ARHGAP21: variants seen among roughly 807,000 people sequenced by gnomAD.
ARHGAP21 encodes Rho GTPase activating protein 21, also known as rho GTPase-activating protein 21.
A neutral mutation model predicts 164.6 loss-of-function variants in ARHGAP21; 38 were observed. That is an observed-to-expected ratio of 0.23 (90% confidence interval 0.18 to 0.30). ARHGAP21 has a LOEUF of 0.30. Among genes scored for constraint, ARHGAP21 ranks in the 10% least tolerant of loss-of-function variants. ARHGAP21 has a pLI of 1.00. For synonymous variants in ARHGAP21, 766 were observed against 857.9 expected, an observed-to-expected ratio of 0.89 and a Z score of 1.87; for missense variants, 1,822 against 2,370.7, an observed-to-expected ratio of 0.77 and a Z score of 4.81.
intron 24 of ARHGAP21, chr10:24,590,791 T>G: frequency 7.1e-6 from 7 of 985,388 alleles, no homozygotes; most frequent in Non-Finnish European, 8.4e-6. Flanking sequence ...TCAACAGATT[T>G]AACTTGCTGC....
intron 3 of ARHGAP21, among the ~76,000 whole-genome samples, chr10:24,668,797 T>C (rs891556430): frequency 6.6e-6 from 1 of 152,284 alleles, no homozygotes; most frequent in East Asian, 1.9e-4. Flanking sequence ...TACTAAAATT[T>C]CTAGAAATAT....
At chr10:24,591,453 G>A in intron 23 of ARHGAP21, 123 bp from the exon 24 acceptor site, 1 of 1,099,990 alleles carries the variant, frequency 9.1e-7, no homozygotes, top group Admixed American at 2.1e-5. Context: ...TGTTTACATT[G>A]TTTACGCATA....
At chr10:24,616,870 G>C (rs1478211560) in intron 9 of ARHGAP21, among the ~76,000 whole-genome samples, 1 of 152,154 alleles carries the variant, frequency 6.6e-6, no homozygotes, top group Non-Finnish European at 1.5e-5. Flanking sequence ...GCTTTATAAA[G>C]TGGGGGGTGG....
chr10:24,721,150 C>A (rs2132353296), intron 2 of ARHGAP21, among the ~76,000 whole-genome samples: 1 of 152,184 alleles, frequency 6.6e-6, no homozygotes, highest in East Asian at 1.9e-4. Flanking sequence ...GCTACCCTAA[C>A]CAGCAACGCA....
intron 4 of ARHGAP21, among the ~76,000 whole-genome samples, chr10:24,636,897 T>G (rs1166766494): frequency 6.6e-6 from 1 of 152,350 alleles, no homozygotes; most frequent in South Asian, 2.1e-4. Flanking sequence ...TTTATTTGCT[T>G]ACATGTTTGT....
At chr10:24,587,190 C>T (rs1171027739) in intron 25 of ARHGAP21, among the ~76,000 whole-genome samples, 1 of 152,046 alleles carries the variant, frequency 6.6e-6, no homozygotes, top group Non-Finnish European at 1.5e-5. Flanking sequence ...CACCATGTTG[C>T]CCAGGCTGGT....
At chr10:24,612,642 C>T (rs1233988619) in intron 9 of ARHGAP21, among the ~76,000 whole-genome samples, 1 of 152,082 alleles carries the variant, frequency 6.6e-6, no homozygotes, top group African/African-American at 2.4e-5. Context: ...ATCACGAGGT[C>T]AGGAGATCAA....
chr10:24,604,397 C>A (rs776769324), intron 11 of ARHGAP21, 49 bp from the exon 12 acceptor site: 2 of 1,289,718 alleles, frequency 1.6e-6, no homozygotes, highest in Non-Finnish European at 1.1e-6. Context: ...CAAAAAAAAT[C>A]TTAAAGATGT....
intron 4 of ARHGAP21, among the ~76,000 whole-genome samples, chr10:24,659,178 A>G (rs1309876945): frequency 1.3e-5 from 2 of 152,214 alleles, no homozygotes; most frequent in Admixed American, 6.5e-5. Flanking sequence ...TAGCAACTCT[A>G]TTCCTAGGTA....
At chr10:24,654,235 C>T (rs573465331) in intron 4 of ARHGAP21, among the ~76,000 whole-genome samples, 2 of 152,316 alleles carry the variant, frequency 1.3e-5, no homozygotes, top group African/African-American at 2.4e-5. Flanking sequence ...GATGCCCTCT[C>T]TCACCACTCC....
chr10:24,651,268 G>T (rs1838133823), intron 4 of ARHGAP21, among the ~76,000 whole-genome samples: 1 of 152,178 alleles, frequency 6.6e-6, no homozygotes, highest in Non-Finnish European at 1.5e-5. Context: ...GTGTTTGCCT[G>T]GGGACTCTTC....
intron 9 of ARHGAP21, among the ~76,000 whole-genome samples, chr10:24,617,621 C>T (rs927295565): frequency 1.3e-5 from 2 of 151,696 alleles, no homozygotes; most frequent in East Asian, 3.9e-4. Context: ...TAAAAAAAAA[C>T]ATAAGCTGTG....
At position 24,622,740 on chromosome 10, in the gene ARHGAP21, G is replaced by A. The variant is rs753001884; in HGVS notation, c.518C>T (p.Thr173Ile). ...LQVLQFTKDV[T>I]ALAYSQDAYL... The stretch of plus-strand genomic sequence containing the variant: ...CTACTGTGCATTTCTTACCAGTGCT[G>A]TGACATCCTTTGTAAACTGTAGCTA... Residue 173 changes from threonine to isoleucine, a missense_variant, in exon 8 of 26, where the codon ACA becomes ATA. This residue lies in a region of ARHGAP21 where 1,090 missense variants were observed against 1,378.9 expected (regional missense o/e 0.79). Transcript: ENST00000396432. 10 of 1,611,416 alleles carry A rather than the reference G, an allele frequency of 6.2e-6. No individual in the cohort carries two copies. Among genetic ancestry groups the A allele is most frequent in the Admixed American group, 5.1e-5 (3 of 59,378 alleles).
intron 21 of ARHGAP21, among the ~76,000 whole-genome samples, chr10:24,594,163 A>G (rs921977024): frequency 7.9e-5 from 12 of 152,214 alleles, no homozygotes; most frequent in Admixed American, 5.9e-4. Flanking sequence ...CTGCTTCAGT[A>G]CTTTAAGAAG....
chr10:24,687,000 A>G (rs993417807), intron 2 of ARHGAP21, among the ~76,000 whole-genome samples: 1 of 152,140 alleles, frequency 6.6e-6, no homozygotes, highest in Non-Finnish European at 1.5e-5. Context: ...CTTCCAGGAG[A>G]GCAAGGGCAA....
intron 2 of ARHGAP21, among the ~76,000 whole-genome samples, chr10:24,693,632 C>T (rs1239730578): frequency 2.0e-5 from 3 of 152,082 alleles, no homozygotes; most frequent in Non-Finnish European, 2.9e-5. Context: ...GGATTACAGG[C>T]GTGAGACACT....
chr10:24,701,357 T>C (rs1053593902), intron 2 of ARHGAP21, among the ~76,000 whole-genome samples: 1 of 152,078 alleles, frequency 6.6e-6, no homozygotes, highest in African/African-American at 2.4e-5. Context: ...AATGGACTTA[T>C]ACAAAATGAG....
At chr10:24,717,061 A>G (rs777277226) in intron 2 of ARHGAP21, among the ~76,000 whole-genome samples, 14 of 152,144 alleles carry the variant, frequency 9.2e-5, no homozygotes, top group Non-Finnish European at 1.3e-4. Flanking sequence ...AAGAAATATA[A>G]GTGAGTGTGT....
intron 4 of ARHGAP21, among the ~76,000 whole-genome samples, chr10:24,650,591 A>G (rs541232817): frequency 2.6e-5 from 4 of 152,352 alleles, no homozygotes; most frequent in East Asian, 3.9e-4. Context: ...AGAGAAAAAT[A>G]TAAGAATGAA....
Sources: allele counts gnomAD v4.1 joint callset (sites outside exome capture counted in the v4.1 genomes callset), GRCh38; gene constraint gnomAD v4.1.1; regional missense constraint gnomAD v4.1.1; transcripts MANE v1.5; gene names NCBI Gene and HGNC (gene_info 2026-07-23, HGNC 2026-07-21).